Variants in BOLL observed in about 807,000 individuals in gnomAD.
The protein encoded by BOLL is protein boule-like.
Under a neutral mutation model 44.4 loss-of-function variants are expected in BOLL, and 23 were observed. The ratio of observed to expected loss-of-function variants is 0.52; its 90% CI spans 0.37 to 0.73. The LOEUF is 0.73. BOLL is among the 30% of genes least tolerant of loss of function. BOLL has a pLI of 0.00. For synonymous variants in BOLL, 97 were observed against 110.8 expected, an observed-to-expected ratio of 0.88 and a Z score of 0.78; for missense variants, 287 against 338.3, an observed-to-expected ratio of 0.85 and a Z score of 1.19.
At chr2:197,731,041 C>T (rs1418352847) in intron 10 of BOLL, among the ~76,000 whole-genome samples, 8 of 151,888 alleles carry the variant, frequency 5.3e-5, no homozygotes, top group Admixed American at 2.0e-4. Context: ...GAGTCAAGAC[C>T]CATCAGTGTG....
At chr2:197,769,112 C>G (rs926867285) in intron 6 of BOLL, among the ~76,000 whole-genome samples, 12 of 151,896 alleles carry the variant, frequency 7.9e-5, no homozygotes, top group African/African-American at 2.9e-4. Flanking sequence ...GGATATTGGT[C>G]TAAAATTCTC....
At chr2:197,772,860 T>G (rs1456442403) in intron 5 of BOLL, among the ~76,000 whole-genome samples, 3 of 152,110 alleles carry the variant, frequency 2.0e-5, no homozygotes, top group Non-Finnish European at 4.4e-5. Context: ...TCCCATAAAT[T>G]AGAATCACTT....
chr2:197,730,486 A>G (rs1397045401), intron 10 of BOLL, among the ~76,000 whole-genome samples: 7 of 142,474 alleles, frequency 4.9e-5, no homozygotes, highest in Admixed American at 1.4e-4. Context: ...CTCCTCGAGA[A>G]GAGCAACTCC....
At chr2:197,738,091 T>G (rs1311999779) in intron 10 of BOLL, among the ~76,000 whole-genome samples, 2 of 152,156 alleles carry the variant, frequency 1.3e-5, no homozygotes, top group Admixed American at 1.3e-4. Flanking sequence ...ACTTATACCC[T>G]TCATACCTTG....
intron 9 of BOLL, among the ~76,000 whole-genome samples, chr2:197,744,917 T>C (rs1369606702): frequency 5.3e-5 from 8 of 152,088 alleles, no homozygotes; most frequent in Admixed American, 5.2e-4. Flanking sequence ...AAAAGAACAG[T>C]AGATGGAATG....
chr2:197,743,236 C>T (rs1687839742), intron 9 of BOLL, 77 bp from the exon 10 acceptor site: 1 of 995,906 alleles, frequency 1.0e-6, no homozygotes, highest in Non-Finnish European at 1.4e-6. Context: ...TTACAATATA[C>T]TAATCATCTA....
At chr2:197,757,214 G>T in intron 8 of BOLL, 139 bp downstream of exon 8, 1 of 656,996 alleles carries the variant, frequency 1.5e-6, no homozygotes, top group Non-Finnish European at 2.5e-6. Context: ...TGAAGAAACT[G>T]AAAATGAACT....
In BOLL at chr2:197,743,044, CA is replaced by C; in HGVS notation, c.828+16del. ...ATGGAAGAAAAACAAAGTAAAAAGT[CA>C]AAACAAATTTCTTACTTTAATTGGC... On this transcript the variant is annotated intron_variant, in intron 10 of 10. Transcript: ENST00000392296. 1 of 1,534,766 alleles carries C rather than the reference CA, an allele frequency of 6.5e-7. No homozygotes were observed. The highest frequency in any genetic ancestry group is 2.3e-5 in the East Asian group (1 of 43,174).
upstream of BOLL, chr2:197,786,000 C>T: frequency 6.2e-7 from 1 of 1,612,230 alleles, no homozygotes; most frequent in Non-Finnish European, 8.5e-7. The surrounding 1 kb of genome is among the most constrained non-coding windows in gnomAD (Gnocchi z 6.7). Flanking sequence ...GACTCGGTTT[C>T]CATCTTCCTC....
At chr2:197,773,763 G>A (rs932041024) in intron 5 of BOLL, among the ~76,000 whole-genome samples, 2 of 151,886 alleles carry the variant, frequency 1.3e-5, no homozygotes, top group African/African-American at 2.4e-5. Context: ...AAAATAAGCT[G>A]AGCATAAGAC....
intron 10 of BOLL, among the ~76,000 whole-genome samples, chr2:197,740,193 C>T (rs865988789): frequency 1.3e-5 from 2 of 152,106 alleles, no homozygotes; most frequent in Middle Eastern, 3.4e-3. Flanking sequence ...ACGAGAAGAC[C>T]GGGAGGCTCC....
chr2:197,750,354 A>G (rs2106338923), intron 9 of BOLL, among the ~76,000 whole-genome samples: 1 of 152,364 alleles, frequency 6.6e-6, no homozygotes, highest in Non-Finnish European at 1.5e-5. Flanking sequence ...AGACTGGCAA[A>G]TTGGACAAAG....
At chr2:197,750,340 A>T (rs1688180597) in intron 9 of BOLL, among the ~76,000 whole-genome samples, 1 of 152,244 alleles carries the variant, frequency 6.6e-6, no homozygotes, top group Non-Finnish European at 1.5e-5. Flanking sequence ...CAATTAAAAG[A>T]CACAGACTGG....
chr2:197,771,820 T>C (rs748721568), intron 6 of BOLL, 35 bp downstream of exon 6: 1 of 1,504,278 alleles, frequency 6.6e-7, no homozygotes, highest in Non-Finnish European at 9.0e-7. Context: ...TTGATAGTAA[T>C]AGATGGAAAT....
intron 10 of BOLL, among the ~76,000 whole-genome samples, chr2:197,736,224 T>C (rs1022444022): frequency 6.6e-6 from 1 of 152,160 alleles, no homozygotes; most frequent in Non-Finnish European, 1.5e-5. Context: ...TCATACCCTT[T>C]ATCTAATTAA....
chr2:197,736,648 T>G (rs147935638), intron 10 of BOLL, among the ~76,000 whole-genome samples: 2 of 152,006 alleles, frequency 1.3e-5, no homozygotes, highest in Non-Finnish European at 2.9e-5. Flanking sequence ...CCAAGGACAT[T>G]TGGTGGGATG....
chr2:197,770,700 C>T (rs1057326934), intron 6 of BOLL, among the ~76,000 whole-genome samples: 5 of 152,184 alleles, frequency 3.3e-5, no homozygotes, highest in African/African-American at 1.2e-4. Context: ...TATTAACAGA[C>T]ACTTCTTAAA....
chr2:197,750,121 C>T (rs567988110), intron 9 of BOLL, among the ~76,000 whole-genome samples: 1 of 152,170 alleles, frequency 6.6e-6, no homozygotes, highest in Non-Finnish European at 1.5e-5. Flanking sequence ...ACCACCAGGC[C>T]TGCCTTACAA....
At chr2:197,762,546 T>C (rs1688808548) in intron 7 of BOLL, among the ~76,000 whole-genome samples, 1 of 152,136 alleles carries the variant, frequency 6.6e-6, no homozygotes, top group Non-Finnish European at 1.5e-5. Flanking sequence ...ACTGAAATTA[T>C]ATAAAGTATC....
Sources: allele counts gnomAD v4.1 joint callset (sites outside exome capture counted in the v4.1 genomes callset), GRCh38; gene constraint gnomAD v4.1.1; non-coding constraint Gnocchi (gnomAD v3.1); transcripts MANE v1.5; gene names NCBI Gene and HGNC (gene_info 2026-07-23, HGNC 2026-07-21).